The following FOCAD variants were observed in gnomAD, a reference collection of about 807,000 sequenced individuals.
The protein encoded by FOCAD is focadhesin, also known as KIAA1797.
Under a neutral mutation model 225.6 loss-of-function variants are expected in FOCAD, and 198 were observed. The observed-to-expected ratio is 0.88, with a 90% CI of 0.78 to 0.99. The LOEUF is 0.99. Ranked by LOEUF, FOCAD falls within the 50% of genes least tolerant of loss-of-function variation. FOCAD has a pLI of 0.00. For missense variants in FOCAD, 2,713 were observed against 2,123.6 expected (o/e 1.28, Z -5.46); for synonymous variants, 897 against 755.0 (o/e 1.19, Z -3.08).
chr9:20,678,054 CAT>C (rs1214916300), intron 2 of FOCAD, among the ~76,000 whole-genome samples: 1 of 152,118 alleles, frequency 6.6e-6, no homozygotes, highest in African/African-American at 2.4e-5. Flanking sequence ...TAATTAAAAA[CAT>C]ATCAGGAAGA....
chr9:20,978,350 C>T lies in FOCAD; in HGVS notation c.4273C>T (p.Gln1425Ter). The change falls in exon 37 of 44, where the codon CAG becomes TAG. Residue 1425 changes from glutamine to a stop codon, truncating the protein, a stop_gained. Transcript: ENST00000338382. LOFTEE classifies it high-confidence loss of function. ...LMRLNFGEEI[Q>*]QLCLEIMVTQ... ...TTCTTGACTTTCAGGTGAAGAGATC[C>T]AGCAACTGTGCCTTGAAATTATGGT... The T allele has an allele frequency of 6.2e-7, 1 of 1,601,746 alleles. No homozygotes were observed. Among genetic ancestry groups the T allele is most frequent in the South Asian group, 1.1e-5 (1 of 89,368 alleles).
intron 15 of FOCAD, among the ~76,000 whole-genome samples, chr9:20,846,307 G>T (rs1234544603): frequency 6.6e-6 from 1 of 152,096 alleles, no homozygotes; most frequent in Non-Finnish European, 1.5e-5. Context: ...AGGCTGCACA[G>T]AATCAAAGGG....
Position 20,717,855 on chromosome 9 carries a change from A to C in FOCAD, c.119A>C (p.Gln40Pro), listed in dbSNP as rs1243870867. 6.2e-7 allele frequency: 1 copy of C among 1,612,130 alleles called. No individual in the cohort carries two copies. Among genetic ancestry groups the C allele is most frequent in the African/African-American group, 1.3e-5 (1 of 74,868 alleles). ...KENGFSEKIH[Q>P]STNQTPALNL... ...AATGGTTTTTCAGAAAAGATTCACC[A>C]ATCTACAAATCAGGTCTGTGTTTAA... The change falls in exon 3 of 44, where the codon CAA (glutamine) becomes CCA (proline). Residue 40 changes from glutamine (Q) to proline (P), a missense_variant. By Grantham distance (76) the Gln-to-Pro change is moderately conservative. Coordinates refer to ENST00000338382, the MANE Select transcript of FOCAD (RefSeq NM_001375567.1).
intron 4 of FOCAD, among the ~76,000 whole-genome samples, chr9:20,738,236 A>AT (rs1827309038): frequency 6.6e-6 from 1 of 152,232 alleles, no homozygotes. Context: ...AGACAAGGCA[A>AT]TACCTTGGTT....
chr9:20,778,426 T>A (rs1819011519), intron 8 of FOCAD, among the ~76,000 whole-genome samples: 1 of 152,156 alleles, frequency 6.6e-6, no homozygotes, highest in Non-Finnish European at 1.5e-5. Flanking sequence ...TTCACCAAGT[T>A]GGCTGGGCTG....
chr9:20,929,537 A>G lies in FOCAD; in HGVS notation c.3258A>G (p.Gln1086=). Residue 1086 remains glutamine (Q), a synonymous_variant, in exon 27 of 44, where the codon CAA becomes CAG. Coordinates refer to ENST00000338382, the MANE Select transcript of FOCAD (RefSeq NM_001375567.1). ...GTGCTGATGAGTCTCAAGCCGTGCA[A>G]ATCCACATGGGCCTTGCTTTAGGGA... ...KPSADESQAV[Q]IHMGLALGMF... is the part of the protein sequence containing the mutation. The G allele has an allele frequency of 6.2e-7, 1 of 1,614,164 alleles. No homozygotes were observed. The highest frequency in any genetic ancestry group is 1.1e-5 in the South Asian group (1 of 91,080).
At chr9:20,875,762 A>T (rs1465221796) in intron 19 of FOCAD, 3 of 152,134 alleles carry the variant, frequency 2.0e-5, no homozygotes, top group Admixed American at 6.5e-5. Flanking sequence ...GTGATTAGGA[A>T]CTTACATTAT....
At chr9:20,908,860 G>T (rs1833198317) in intron 22 of FOCAD, among the ~76,000 whole-genome samples, 1 of 151,860 alleles carries the variant, frequency 6.6e-6, no homozygotes, top group South Asian at 2.1e-4. Flanking sequence ...ATGTTTTATT[G>T]GGGAGGTCCC....
Position 20,717,833 on chromosome 9 carries a change from G to C in FOCAD, c.97G>C (p.Gly33Arg). 1 of 1,612,672 alleles carries C rather than the reference G, an allele frequency of 6.2e-7. No individual in the cohort carries two copies. Among genetic ancestry groups the C allele is most frequent in the East Asian group, 2.2e-5 (1 of 44,766 alleles). The change falls in exon 3 of 44, where the codon GGT becomes CGT. Residue 33 changes from glycine (G) to arginine (R), a missense_variant. By Grantham distance (125) the Gly-to-Arg change is moderately radical (BLOSUM62 -2). Coordinates refer to ENST00000338382, the MANE Select transcript of FOCAD (RefSeq NM_001375567.1). ...TATTGCTGCAGTCCTAAAGGAAAAT[G>C]GTTTTTCAGAAAAGATTCACCAATC... ...HLIAAVLKEN[G>R]FSEKIHQSTN...
At chr9:20,785,446 T>A (rs569126918) in intron 10 of FOCAD, among the ~76,000 whole-genome samples, 53 of 152,260 alleles carry the variant, frequency 3.5e-4, no homozygotes, top group Middle Eastern at 3.4e-3. Flanking sequence ...CTAATCTGCT[T>A]GTAGTCTCTA....
Position 20,885,207 on chromosome 9 carries a change from A to C in FOCAD, c.2602A>C (p.Thr868Pro). 6.5e-7 allele frequency: 1 copy of C among 1,532,064 alleles called. No homozygotes were observed. The highest frequency in any genetic ancestry group is 8.8e-7 in the Non-Finnish European group (1 of 1,137,170). The allele number at this position is 1,532,064 out of a possible 1,614,324, so 94.9% of individuals were successfully genotyped here. Reference sequence around the variant, plus strand: ...CAGCAGAGGGCGAAGTTTCAAGCAGACTTCACTTGCTCTTGTACATGAGGT... The same window carrying C: ...CAGCAGAGGGCGAAGTTTCAAGCAGCCTTCACTTGCTCTTGTACATGAGGT... ...MASRGRSFKQ[T>P]SLALVHEVHI... is the part of the protein sequence containing the mutation. Residue 868 changes from threonine to proline, a missense_variant, in exon 21 of 44, where the codon ACT becomes CCT. Physicochemically the swap from Thr to Pro is conservative, Grantham distance 38. Coordinates refer to ENST00000338382, the MANE Select transcript of FOCAD (RefSeq NM_001375567.1).
intron 15 of FOCAD, among the ~76,000 whole-genome samples, chr9:20,858,375 C>T (rs1167077190): frequency 2.6e-5 from 4 of 151,826 alleles, no homozygotes; most frequent in African/African-American, 7.3e-5. Flanking sequence ...AATTTATTGT[C>T]GATAGTTGCT....
rs1046807437 is a variant in FOCAD at position 20,704,747 on chromosome 9, T to A, written c.-32-10575T>A. Among the ~76,000 whole-genome samples, 10 of 152,204 alleles carry A rather than the reference T, an allele frequency of 6.6e-5. 1 individual carries two copies. ...TTCTACTAAATTGCTGCTCACTTTA[T>A]GACACCCTTTAGTGATGGATTTCTA... On this transcript the variant is annotated intron_variant, in intron 1 of 43. Coordinates refer to ENST00000338382, the MANE Select transcript of FOCAD (RefSeq NM_001375567.1).
chr9:20,857,353 A>G (rs1470514655), intron 15 of FOCAD, among the ~76,000 whole-genome samples: 1 of 151,622 alleles, frequency 6.6e-6, no homozygotes, highest in Non-Finnish European at 1.5e-5. Context: ...TTTTATGTGT[A>G]GATATTGTAA....
At chr9:20,926,495 T>TTA in intron 26 of FOCAD, 78 bp downstream of exon 26, 1 of 946,746 alleles carries the variant, frequency 1.1e-6, no homozygotes, top group South Asian at 1.3e-5. Flanking sequence ...ATGAAATCGA[T>TTA]TATATAGGCC....
intron 11 of FOCAD, among the ~76,000 whole-genome samples, chr9:20,792,798 T>A (rs1212494062): frequency 2.6e-5 from 4 of 152,204 alleles, no homozygotes; most frequent in Admixed American, 1.3e-4. Context: ...ACTAGGTTCA[T>A]GGGCCATGAC....
chr9:20,711,990 A>G (rs1824886010), intron 1 of FOCAD, among the ~76,000 whole-genome samples: 1 of 152,202 alleles, frequency 6.6e-6, no homozygotes, highest in South Asian at 2.1e-4. Context: ...GTTAGCAGGT[A>G]TTTCCATTGT....
intron 1 of FOCAD, among the ~76,000 whole-genome samples, chr9:20,710,312 A>G (rs192659538): frequency 6.8e-6 from 1 of 147,414 alleles, no homozygotes; most frequent in Non-Finnish European, 1.5e-5. Flanking sequence ...AAAAAGTAAT[A>G]TTACTGGGCA....
At chr9:20,971,421 C>T (rs1469369118) in intron 35 of FOCAD, among the ~76,000 whole-genome samples, 2 of 151,872 alleles carry the variant, frequency 1.3e-5, no homozygotes, top group Non-Finnish European at 2.9e-5. Context: ...AAAATTTACC[C>T]TCATAACCAT....
Sources: allele counts gnomAD v4.1 joint callset (sites outside exome capture counted in the v4.1 genomes callset), GRCh38; gene constraint gnomAD v4.1.1; transcripts MANE v1.5; gene names NCBI Gene and HGNC (gene_info 2026-07-23, HGNC 2026-07-21).